Variants in NEDD4 observed in about 807,000 individuals in gnomAD.
NEDD4 encodes E3 ubiquitin-protein ligase NEDD4.
NEDD4 carries 99 observed loss-of-function variants against 144.9 expected under a neutral mutation model. The ratio of observed to expected loss-of-function variants is 0.68; its 90% CI spans 0.58 to 0.81. NEDD4 has a LOEUF of 0.81. NEDD4 is among the 30% of genes least tolerant of loss of function. The pLI is 0.00. For missense variants in NEDD4, 985 were observed against 1,065.9 expected (o/e 0.92, Z 1.06); for synonymous variants, 318 against 350.6 (o/e 0.91, Z 1.04).
intron 5 of NEDD4, among the ~76,000 whole-genome samples, chr15:55,878,864 C>T (rs2142083703): frequency 6.6e-6 from 1 of 152,298 alleles, no homozygotes; most frequent in Non-Finnish European, 1.5e-5. Flanking sequence ...CTCTTGTCGC[C>T]CAGGCTGGGG....
At chr15:55,932,833 TCAAA>T (rs2036809151) in intron 4 of NEDD4, among the ~76,000 whole-genome samples, 1 of 150,880 alleles carries the variant, frequency 6.6e-6, no homozygotes, top group South Asian at 2.1e-4. Context: ...GAAAAAAAAA[TCAAA>T]CAACTCCATC....
chr15:55,910,059 G>A (rs1265678131), intron 5 of NEDD4, among the ~76,000 whole-genome samples: 1 of 152,090 alleles, frequency 6.6e-6, no homozygotes, highest in Non-Finnish European at 1.5e-5. Context: ...GTGAAAGAAC[G>A]TAAGACTGTA....
intron 2 of NEDD4, among the ~76,000 whole-genome samples, chr15:55,953,715 T>A (rs1566967322): frequency 1.3e-5 from 2 of 151,878 alleles, no homozygotes; most frequent in Non-Finnish European, 2.9e-5. Context: ...GTGCTGGGAT[T>A]ACAGGCATGA....
At chr15:55,986,473 T>C (rs1410012675) in intron 1 of NEDD4, among the ~76,000 whole-genome samples, 2 of 151,752 alleles carry the variant, frequency 1.3e-5, no homozygotes, top group Non-Finnish European at 2.9e-5. Flanking sequence ...ATCATTTCTA[T>C]GATTCCTGCC....
At chr15:55,894,524 C>T (rs2035677605) in intron 5 of NEDD4, among the ~76,000 whole-genome samples, 2 of 152,128 alleles carry the variant, frequency 1.3e-5, no homozygotes, top group African/African-American at 4.8e-5. Context: ...AATTCTACGG[C>T]CCTTAGAAAC....
chr15:55,917,076 C>T lies in NEDD4; in HGVS notation c.291+7570G>A, dbSNP rs1368912126. On this transcript the variant is annotated intron_variant, in intron 5 of 28. Transcript: ENST00000435532. ...CTTGAATCGCTTGTAGTCAAAATGC[C>T]TTCACTTACAAAGCACTTGATTTCC... 14 of 1,237,534 alleles carry T rather than the reference C, an allele frequency of 1.1e-5. No homozygotes were observed. In the Admixed American group the frequency reaches 1.2e-4, roughly 10 times the overall value. The allele number at this position is 1,237,534 out of a possible 1,614,324, so 76.7% of individuals were successfully genotyped here.
At chr15:55,840,041 T>TATATATATATATATA (rs1428035593) in intron 21 of NEDD4, among the ~76,000 whole-genome samples, 1 of 70,462 alleles carries the variant, frequency 1.4e-5, no homozygotes, top group Non-Finnish European at 2.8e-5. Flanking sequence ...TATATATATA[T>TATATATATATATATA]AACATTCATC....
At chr15:55,945,297 A>G (rs2037088958) in intron 4 of NEDD4, among the ~76,000 whole-genome samples, 1 of 152,132 alleles carries the variant, frequency 6.6e-6, no homozygotes, top group Non-Finnish European at 1.5e-5. Flanking sequence ...AACTAGAATA[A>G]ATAGTGTAGA....
chr15:55,831,453 G>A (rs984085857), intron 27 of NEDD4, among the ~76,000 whole-genome samples: 15 of 152,130 alleles, frequency 9.9e-5, no homozygotes, highest in Non-Finnish European at 8.8e-5. Context: ...AGAGGCCAGA[G>A]ACGGAAAGGG....
intron 21 of NEDD4, among the ~76,000 whole-genome samples, chr15:55,840,243 G>A (rs556203808): frequency 3.3e-5 from 5 of 151,490 alleles, no homozygotes; most frequent in African/African-American, 9.7e-5. Flanking sequence ...GTGAGTAGTT[G>A]ATATACAACT....
intron 1 of NEDD4, among the ~76,000 whole-genome samples, chr15:55,970,561 C>CAG (rs1185428809): frequency 1.3e-5 from 2 of 152,072 alleles, no homozygotes; most frequent in Non-Finnish European, 2.9e-5. Context: ...CAGCTCAGAA[C>CAG]AGAGAGAGAG....
At chr15:55,930,818 T>C (rs1405830617) in intron 4 of NEDD4, among the ~76,000 whole-genome samples, 1 of 152,210 alleles carries the variant, frequency 6.6e-6, no homozygotes, top group African/African-American at 2.4e-5. Context: ...CCATGTATGA[T>C]ATGCCTTTGC....
chr15:55,837,427 G>A (rs1475648629), intron 24 of NEDD4, among the ~76,000 whole-genome samples: 2 of 52,026 alleles, frequency 3.8e-5, no homozygotes, highest in South Asian at 8.3e-4. Flanking sequence ...GACTCACTCC[G>A]CGCTCAAAAA....
intron 1 of NEDD4, among the ~76,000 whole-genome samples, chr15:55,969,959 T>A (rs1439975974): frequency 6.6e-6 from 1 of 152,016 alleles, no homozygotes; most frequent in Non-Finnish European, 1.5e-5. Flanking sequence ...ATCAGACTCC[T>A]AAAGTCACTG....
At chr15:55,959,921 C>T (rs2037398602) in intron 2 of NEDD4, among the ~76,000 whole-genome samples, 1 of 152,192 alleles carries the variant, frequency 6.6e-6, no homozygotes, top group Admixed American at 6.5e-5. Context: ...TTTATGTTGC[C>T]TCAGCATCCA....
chr15:55,984,064 C>G (rs1339304923), intron 1 of NEDD4, among the ~76,000 whole-genome samples: 1 of 152,138 alleles, frequency 6.6e-6, no homozygotes, highest in Non-Finnish European at 1.5e-5. Context: ...GACCCACGTG[C>G]CTGATACATA....
intron 4 of NEDD4, among the ~76,000 whole-genome samples, chr15:55,930,886 T>C (rs1175275632): frequency 6.6e-6 from 1 of 152,128 alleles, no homozygotes; most frequent in African/African-American, 2.4e-5. Flanking sequence ...GAACTGTGAG[T>C]CCATTAAACC....
At chr15:55,877,793 CA>C (rs2142080875) in intron 5 of NEDD4, among the ~76,000 whole-genome samples, 1 of 152,158 alleles carries the variant, frequency 6.6e-6, no homozygotes, top group South Asian at 2.1e-4. Flanking sequence ...ATCATAGACT[CA>C]TTGATATTTG....
chr15:55,859,867 C>T (rs1420356035), intron 11 of NEDD4, among the ~76,000 whole-genome samples: 1 of 152,108 alleles, frequency 6.6e-6, no homozygotes. Context: ...TTGTCCAAGC[C>T]ACAAAATACC....
Sources: allele counts gnomAD v4.1 joint callset (sites outside exome capture counted in the v4.1 genomes callset), GRCh38; gene constraint gnomAD v4.1.1; transcripts MANE v1.5; gene names NCBI Gene and HGNC (gene_info 2026-07-23, HGNC 2026-07-21).